Variants in ANOS1 observed in about 807,000 individuals in gnomAD.
ANOS1 encodes the protein anosmin-1.
Under a neutral mutation model 59.0 loss-of-function variants are expected in ANOS1, and 6 were observed. That is an observed-to-expected ratio of 0.10 (90% CI 0.06 to 0.20). The LOEUF is 0.20. Among genes scored for constraint, ANOS1 ranks in the 10% least tolerant of loss-of-function variants. The probability of loss-of-function intolerance (pLI) is 1.00; values close to 1 mark genes in which losing one functional copy is unlikely to be tolerated. For synonymous variants in ANOS1, 217 were observed against 223.4 expected (o/e 0.97, Z 0.25); for missense variants, 433 against 542.3 (o/e 0.80, Z 2.00).
At chrX:8,641,483 C>T (rs962378278) in intron 2 of ANOS1, among the ~76,000 whole-genome samples, 6 of 111,910 alleles carry the variant, frequency 5.4e-5, no homozygotes, top group Non-Finnish European at 1.1e-4. Context: ...ACAGTATCCA[C>T]TGGAGAATCA....
chrX:8,638,773 T>C (rs1259142529), intron 2 of ANOS1, among the ~76,000 whole-genome samples: 1 of 112,057 alleles, frequency 8.9e-6, no homozygotes, highest in East Asian at 2.8e-4. Context: ...CAGAGGTTTC[T>C]GCTGTGTTCT....
At chrX:8,727,858 T>A (rs1932933453) in intron 1 of ANOS1, among the ~76,000 whole-genome samples, 1 of 112,320 alleles carries the variant, frequency 8.9e-6, no homozygotes, top group South Asian at 3.7e-4. Context: ...GATATTTACA[T>A]GTAAAGCTGG....
chrX:8,607,228 G>A (rs1050681266), intron 3 of ANOS1, among the ~76,000 whole-genome samples: 6 of 112,167 alleles, frequency 5.3e-5, no homozygotes, highest in African/African-American at 1.6e-4. Flanking sequence ...ATAACTCTCC[G>A]TTCAAATGTT....
At chrX:8,649,703 C>T (rs1229524528) in intron 2 of ANOS1, among the ~76,000 whole-genome samples, 1 of 112,169 alleles carries the variant, frequency 8.9e-6, no homozygotes, top group Non-Finnish European at 1.9e-5. Context: ...TTTAAAATTT[C>T]TCAACAATGG....
intron 8 of ANOS1, among the ~76,000 whole-genome samples, chrX:8,561,362 C>T (rs192171901): frequency 0.012 from 1,282 of 109,841 alleles, 6 homozygotes; most frequent in Non-Finnish European, 0.018. Context: ...TGCAGTGGTG[C>T]GATCTCGGCT....
intron 6 of ANOS1, 22 bp from the exon 7 acceptor site, chrX:8,570,726 ACAT>A (rs1930217596): frequency 1.2e-5 from 14 of 1,157,944 alleles, no homozygotes; most frequent in Non-Finnish European, 1.7e-5. Context: ...GTACAAAGAC[ACAT>A]CATATGACTC....
intron 3 of ANOS1, among the ~76,000 whole-genome samples, chrX:8,615,551 AAAAAAAAAG>A (rs1340336793): frequency 1.0e-5 from 1 of 98,138 alleles, no homozygotes; most frequent in Non-Finnish European, 2.1e-5. Context: ...TCAAAAAAAA[AAAAAAAAAG>A]AAAAGAAAAG....
At chrX:8,590,638 G>A (rs1380116487) in intron 4 of ANOS1, among the ~76,000 whole-genome samples, 1 of 111,532 alleles carries the variant, frequency 9.0e-6, no homozygotes, top group Non-Finnish European at 1.9e-5. Flanking sequence ...CTTCATTCCC[G>A]CACCTCACAA....
intron 2 of ANOS1, among the ~76,000 whole-genome samples, chrX:8,681,346 T>C (rs957076056): frequency 1.8e-5 from 2 of 112,078 alleles, no homozygotes; most frequent in Non-Finnish European, 3.8e-5. Context: ...TACTAGTGTA[T>C]TTACCTAGAT....
intron 6 of ANOS1, among the ~76,000 whole-genome samples, chrX:8,584,772 T>C (rs757301937): frequency 8.9e-6 from 1 of 112,295 alleles, no homozygotes; most frequent in Non-Finnish European, 1.9e-5. Context: ...TTTTAAAATA[T>C]CAAGGCAGTC....
chrX:8,654,417 A>T (rs1931897719), intron 2 of ANOS1, among the ~76,000 whole-genome samples: 1 of 112,592 alleles, frequency 8.9e-6, no homozygotes, highest in Non-Finnish European at 1.9e-5. Context: ...ACAGATATTT[A>T]TCTCAGTAAC....
intron 2 of ANOS1, among the ~76,000 whole-genome samples, chrX:8,645,237 G>A (rs1931731777): frequency 8.9e-6 from 1 of 112,660 alleles, no homozygotes; most frequent in African/African-American, 3.2e-5. Flanking sequence ...GCTAGGAGCT[G>A]AGTGCAACAT....
At chrX:8,682,439 T>A (rs1481080713) in intron 2 of ANOS1, among the ~76,000 whole-genome samples, 1 of 109,872 alleles carries the variant, frequency 9.1e-6, no homozygotes, top group African/African-American at 3.3e-5. Flanking sequence ...AACAAAGAGA[T>A]TTAACACATG....
chrX:8,689,719 G>A (rs1038746303), intron 2 of ANOS1, among the ~76,000 whole-genome samples: 5 of 105,671 alleles, frequency 4.7e-5, no homozygotes, highest in African/African-American at 1.0e-4. Flanking sequence ...ACACACATCC[G>A]TGTGAAGAAA....
At chrX:8,661,508 T>C (rs748312886) in intron 2 of ANOS1, among the ~76,000 whole-genome samples, 7 of 112,073 alleles carry the variant, frequency 6.2e-5, no homozygotes, top group Admixed American at 3.8e-4. Flanking sequence ...TAACTCCAAA[T>C]ACAGTCACAT....
At chrX:8,534,260 T>G in intron 13 of ANOS1, 59 bp downstream of exon 13, 1 of 1,145,265 alleles carries the variant, frequency 8.7e-7, no homozygotes, top group Non-Finnish European at 1.2e-6. Flanking sequence ...TCCAGCAAGA[T>G]TTTTCTCTAT....
intron 13 of ANOS1, among the ~76,000 whole-genome samples, chrX:8,533,875 C>T (rs1397229593): frequency 2.8e-5 from 3 of 108,061 alleles, no homozygotes; most frequent in African/African-American, 6.7e-5. Context: ...TATGAGACTA[C>T]AGATTTTTTT....
At chrX:8,573,981 T>C (rs1266364188) in intron 6 of ANOS1, among the ~76,000 whole-genome samples, 1 of 111,372 alleles carries the variant, frequency 9.0e-6, no homozygotes, top group Non-Finnish European at 1.9e-5. Flanking sequence ...AATACAGCAG[T>C]CTGATGATTC....
chrX:8,680,507 GT>G (rs1205035998), intron 2 of ANOS1, among the ~76,000 whole-genome samples: 2 of 111,779 alleles, frequency 1.8e-5, no homozygotes, highest in Non-Finnish European at 3.8e-5. Context: ...GAACCAGGGT[GT>G]TTTTGTTGGT....
Sources: gnomAD v4.1 joint callset for allele counts (sites outside exome capture counted in the v4.1 genomes callset) on GRCh38, gnomAD v4.1.1 for gene constraint, MANE v1.5 for transcripts, NCBI Gene and HGNC (gene_info 2026-07-23, HGNC 2026-07-21) for gene names.